NRXN3: variants seen among roughly 807,000 people sequenced by gnomAD.
NRXN3 encodes the protein neurexin 3, also known as neurexin III.
A neutral mutation model predicts 137.6 loss-of-function variants in NRXN3; 32 were observed. The ratio of observed to expected loss-of-function variants is 0.23; its 90% CI spans 0.18 to 0.31. The LOEUF (loss-of-function observed/expected upper bound fraction) is 0.31. NRXN3 is among the 10% of genes least tolerant of loss of function. The pLI, the probability that NRXN3 is intolerant of heterozygous loss-of-function variation, is 1.00. For missense variants in NRXN3, 1,574 were observed against 2,062.5 expected (o/e 0.76, Z 4.59); for synonymous variants, 798 against 784.5 (o/e 1.02, Z -0.29).
intron 16 of NRXN3, among the ~76,000 whole-genome samples, chr14:79,604,946 C>G (rs941283940): frequency 6.6e-6 from 1 of 151,982 alleles, no homozygotes; most frequent in Non-Finnish European, 1.5e-5. Context: ...GCAGGAGAAT[C>G]GCTTGAACCC....
chr14:78,710,871 C>G (rs1458529357), intron 7 of NRXN3, among the ~76,000 whole-genome samples: 1 of 152,226 alleles, frequency 6.6e-6, no homozygotes, highest in African/African-American at 2.4e-5. Flanking sequence ...GGAATCTTTA[C>G]TGGTTGTCTG....
At chr14:78,179,354 G>A (rs559637357) in intron 1 of NRXN3, among the ~76,000 whole-genome samples, 1 of 152,334 alleles carries the variant, frequency 6.6e-6, no homozygotes, top group South Asian at 2.1e-4. Context: ...TGACTGAGAG[G>A]ATGGTCTGCA....
chr14:78,941,504 C>T (rs887643126), intron 10 of NRXN3, among the ~76,000 whole-genome samples: 6 of 152,106 alleles, frequency 3.9e-5, no homozygotes, highest in Non-Finnish European at 8.8e-5. Flanking sequence ...CTTTGTTTTC[C>T]GCAAACCTTC....
chr14:78,206,586 T>TC (rs2062206467), intron 1 of NRXN3, among the ~76,000 whole-genome samples: 1 of 152,144 alleles, frequency 6.6e-6, no homozygotes, highest in South Asian at 2.1e-4. Flanking sequence ...ATGAGATTGC[T>TC]CCCATTGCTT....
At chr14:79,256,098 C>G (rs1465091498) in intron 15 of NRXN3, among the ~76,000 whole-genome samples, 1 of 152,008 alleles carries the variant, frequency 6.6e-6, no homozygotes, top group Non-Finnish European at 1.5e-5. Flanking sequence ...TCCCTCCTCT[C>G]TCTCTCTGTC....
At chr14:79,691,036 C>A (rs2098714660) in intron 17 of NRXN3, among the ~76,000 whole-genome samples, 1 of 152,012 alleles carries the variant, frequency 6.6e-6, no homozygotes, top group Non-Finnish European at 1.5e-5. Flanking sequence ...CTAATTTCTG[C>A]CAGATCAATG....
At chr14:78,458,273 C>A (rs1372007841) in intron 4 of NRXN3, among the ~76,000 whole-genome samples, 1 of 152,150 alleles carries the variant, frequency 6.6e-6, no homozygotes. Flanking sequence ...AGGACTCAAA[C>A]TGTGCAGAAA....
At chr14:79,498,983 C>T (rs1470106689) in intron 16 of NRXN3, among the ~76,000 whole-genome samples, 1 of 152,132 alleles carries the variant, frequency 6.6e-6, no homozygotes, top group Non-Finnish European at 1.5e-5. Flanking sequence ...GGAGGTCTCA[C>T]TATGTTGCTC....
At chr14:79,045,039 A>G (rs1177242773) in intron 15 of NRXN3, among the ~76,000 whole-genome samples, 1 of 152,198 alleles carries the variant, frequency 6.6e-6, no homozygotes, top group African/African-American at 2.4e-5. Flanking sequence ...AAAAGAAAAT[A>G]TAAAACAAAA....
At chr14:78,977,194 G>A (rs1316260825) in intron 14 of NRXN3, among the ~76,000 whole-genome samples, 1 of 152,166 alleles carries the variant, frequency 6.6e-6, no homozygotes, top group Non-Finnish European at 1.5e-5. Context: ...TATGGTGTGA[G>A]TCTGGGTTTG....
intron 4 of NRXN3, among the ~76,000 whole-genome samples, chr14:78,614,247 G>A (rs904165362): frequency 6.6e-6 from 1 of 152,194 alleles, no homozygotes; most frequent in Non-Finnish European, 1.5e-5. Flanking sequence ...TACTTGGTGA[G>A]TCATATGTGG....
At chr14:79,284,615 G>A (rs560839870) in intron 15 of NRXN3, among the ~76,000 whole-genome samples, 2 of 151,862 alleles carry the variant, frequency 1.3e-5, no homozygotes, top group Non-Finnish European at 2.9e-5. Context: ...AAGAACTCTT[G>A]CTCAGAAACC....
At chr14:78,995,725 A>G (rs2099528660) in intron 15 of NRXN3, among the ~76,000 whole-genome samples, 1 of 152,230 alleles carries the variant, frequency 6.6e-6, no homozygotes, top group Non-Finnish European at 1.5e-5. Flanking sequence ...GCAAATATAG[A>G]ATGAATGTGT....
chr14:79,415,858 A>G (rs2095489848), intron 15 of NRXN3, among the ~76,000 whole-genome samples: 1 of 152,102 alleles, frequency 6.6e-6, no homozygotes, highest in Admixed American at 6.6e-5. Context: ...ACTTATTACA[A>G]ATGCAGAACC....
intron 16 of NRXN3, among the ~76,000 whole-genome samples, chr14:79,588,230 G>C (rs527783071): frequency 6.6e-6 from 1 of 152,304 alleles, no homozygotes; most frequent in East Asian, 1.9e-4. Flanking sequence ...ATGCTGAACT[G>C]TTATATAACC....
At chr14:78,255,516 C>A (rs902777853) in intron 2 of NRXN3, among the ~76,000 whole-genome samples, 1 of 152,192 alleles carries the variant, frequency 6.6e-6, no homozygotes, top group Admixed American at 6.5e-5. Flanking sequence ...GAATATATAA[C>A]CAGTGGCTAC....
rs73324721 is a variant in NRXN3 at position 79,089,440 on chromosome 14, A to G, written c.3262+101299A>G. On this transcript the variant is annotated intron_variant, in intron 15 of 20. Coordinates refer to ENST00000335750, the MANE Select transcript of NRXN3 (RefSeq NM_001330195.2). ...AGGAGGAATAAAAACATAGTTGAGA[A>G]TGGAACAGTCAGAGACATGTGGGCA... Among the ~76,000 whole-genome samples, 1,226 of 152,240 alleles carry G rather than the reference A, an allele frequency of 8.1e-3. 12 individuals are homozygous for G. Among genetic ancestry groups the G allele is most frequent in the African/African-American group, 0.028 (1,150 of 41,548 alleles).
At chr14:79,047,529 A>C (rs1195009070) in intron 15 of NRXN3, among the ~76,000 whole-genome samples, 1 of 152,154 alleles carries the variant, frequency 6.6e-6, no homozygotes, top group African/African-American at 2.4e-5. Context: ...CCAGACATAG[A>C]CTGGGAGAAA....
At chr14:78,662,711 C>T (rs758371416) in intron 6 of NRXN3, among the ~76,000 whole-genome samples, 23 of 152,192 alleles carry the variant, frequency 1.5e-4, no homozygotes, top group Admixed American at 4.6e-4. Context: ...CTGATTAGCT[C>T]AGGTTCATCA....
Sources: gnomAD v4.1 joint callset for allele counts (sites outside exome capture counted in the v4.1 genomes callset) on GRCh38, gnomAD v4.1.1 for gene constraint, MANE v1.5 for transcripts, NCBI Gene and HGNC (gene_info 2026-07-23, HGNC 2026-07-21) for gene names.